Variants in SORCS3 observed in about 807,000 individuals in gnomAD.
The protein encoded by SORCS3 is VPS10 domain-containing receptor SorCS3.
A neutral mutation model predicts 146.3 loss-of-function variants in SORCS3; 57 were observed. The observed-to-expected ratio is 0.39, with a 90% CI of 0.31 to 0.49. The LOEUF (loss-of-function observed/expected upper bound fraction) is 0.49, where lower values mean the gene tolerates loss of function less well. Among genes scored for constraint, SORCS3 ranks in the 20% least tolerant of loss-of-function variants. SORCS3 has a pLI of 0.92. For synonymous variants in SORCS3, 653 were observed against 618.5 expected, an observed-to-expected ratio of 1.06 and a Z score of -0.83; for missense variants, 1,341 against 1,575.5, an observed-to-expected ratio of 0.85 and a Z score of 2.52.
At position 105,178,213 on chromosome 10, in the gene SORCS3, A is replaced by G. The variant is rs756276369; in HGVS notation, c.2009+40A>G. 6 of 1,489,500 alleles carry G rather than the reference A, an allele frequency of 4.0e-6. No homozygotes were observed. In the East Asian group the frequency reaches 9.2e-5, roughly 23 times the overall value. 92.3% of individuals were successfully genotyped at this position (1,489,500 alleles called of 1,614,324 possible). ...TGCTGTGACAGGAAGAAGACCAGAG[A>G]CACTGGTTCTACTTTCATTGAGGCC... is the stretch of plus-strand genomic sequence containing the variant. On this transcript the variant is annotated intron_variant, in intron 14 of 26. Transcript: ENST00000369701.
rs530932321 is a variant in SORCS3 at position 105,240,632 on chromosome 10, C to A, written c.2869-4910C>A. Among the ~76,000 whole-genome samples the A allele has an allele frequency of 4.9e-4, 75 of 152,104 alleles. 1 individual carries two copies. The highest frequency in any genetic ancestry group is 6.6e-4 in the Non-Finnish European group (45 of 68,020). On this transcript the variant is annotated intron_variant, in intron 20 of 26. Transcript: ENST00000369701. The stretch of plus-strand genomic sequence containing the variant: ...ATGATTCAGCTTGCAAATCATTAAC[C>A]GTAGTTGAATTTTTTTTATACTTTT...
chr10:105,192,904 T>C (rs2056524482), intron 14 of SORCS3, among the ~76,000 whole-genome samples: 1 of 152,192 alleles, frequency 6.6e-6, no homozygotes, highest in Non-Finnish European at 1.5e-5. Context: ...AACCCAGGGC[T>C]GCTCTCCTAT....
intron 19 of SORCS3, among the ~76,000 whole-genome samples, chr10:105,220,343 A>G (rs1181331346): frequency 6.6e-6 from 1 of 152,222 alleles, no homozygotes; most frequent in African/African-American, 2.4e-5. Context: ...TGTGAACGCC[A>G]CATCCTTTTT....
chr10:104,926,043 T>G (rs2019141054), intron 3 of SORCS3, among the ~76,000 whole-genome samples: 1 of 152,182 alleles, frequency 6.6e-6, no homozygotes, highest in Non-Finnish European at 1.5e-5. Context: ...GAAGCCAGGG[T>G]CCGGCTGCCT....
intron 1 of SORCS3, among the ~76,000 whole-genome samples, chr10:104,650,669 G>C (rs1462337130): frequency 1.3e-5 from 2 of 152,198 alleles, no homozygotes; most frequent in East Asian, 3.8e-4. Flanking sequence ...TAAGTCAATA[G>C]GTGCTTATTG....
intron 2 of SORCS3, among the ~76,000 whole-genome samples, chr10:104,911,778 G>C (rs1372738984): frequency 2.6e-5 from 4 of 151,914 alleles, no homozygotes; most frequent in Non-Finnish European, 5.9e-5. Context: ...TTTTTAACTA[G>C]GCTCCCCTGC....
At chr10:104,799,609 G>A (rs2017600587) in intron 1 of SORCS3, among the ~76,000 whole-genome samples, 1 of 152,096 alleles carries the variant, frequency 6.6e-6, no homozygotes, top group African/African-American at 2.4e-5. Context: ...TGGGTTGTTG[G>A]CTGCAACAAA....
intron 20 of SORCS3, among the ~76,000 whole-genome samples, chr10:105,242,870 TATATATAAATTATATATAATATATG>T: frequency 1.1e-5 from 1 of 89,150 alleles, no homozygotes; most frequent in Non-Finnish European, 2.1e-5. Context: ...TATATATTTT[TATATATAAATTATATATAATATATG>T]ATATATAAAT....
chr10:104,688,362 G>A (rs1237309633), intron 1 of SORCS3, among the ~76,000 whole-genome samples: 4 of 152,222 alleles, frequency 2.6e-5, no homozygotes, highest in Non-Finnish European at 5.9e-5. Flanking sequence ...GTGTGGGGGG[G>A]CAGTTGGAGG....
intron 18 of SORCS3, among the ~76,000 whole-genome samples, chr10:105,215,157 T>C (rs2864041): frequency 0.01 from 1,583 of 152,362 alleles, 9 homozygotes; most frequent in East Asian, 0.02. Flanking sequence ...TGCTGTATTC[T>C]TTCACTTTTT....
intron 1 of SORCS3, among the ~76,000 whole-genome samples, chr10:104,756,986 TG>T (rs2017060268): frequency 6.6e-6 from 1 of 151,758 alleles, no homozygotes; most frequent in Non-Finnish European, 1.5e-5. Context: ...TCTGTGTCCA[TG>T]TACAAGATCA....
intron 14 of SORCS3, among the ~76,000 whole-genome samples, chr10:105,196,012 A>G (rs2056541959): frequency 6.6e-6 from 1 of 151,376 alleles, no homozygotes; most frequent in Non-Finnish European, 1.5e-5. Flanking sequence ...AATGCACATG[A>G]AAGGAATGTA....
chr10:104,868,047 G>T (rs1324748076), intron 2 of SORCS3, among the ~76,000 whole-genome samples: 2 of 152,184 alleles, frequency 1.3e-5, no homozygotes, highest in Non-Finnish European at 2.9e-5. Flanking sequence ...CCTAGAAACA[G>T]GAGCCCCTAT....
chr10:105,012,482 CA>C (rs2055141339), intron 4 of SORCS3, among the ~76,000 whole-genome samples: 2 of 152,012 alleles, frequency 1.3e-5, no homozygotes, highest in South Asian at 4.2e-4. Context: ...AAGGTTCTGA[CA>C]AGAAAGTCTG....
intron 7 of SORCS3, among the ~76,000 whole-genome samples, chr10:105,129,058 T>G (rs1401461057): frequency 6.6e-6 from 1 of 152,104 alleles, no homozygotes; most frequent in Non-Finnish European, 1.5e-5. Flanking sequence ...CCTTCCACCT[T>G]TTCCCTTCTC....
At chr10:104,984,468 C>G (rs1387780430) in intron 4 of SORCS3, among the ~76,000 whole-genome samples, 1 of 152,004 alleles carries the variant, frequency 6.6e-6, no homozygotes, top group African/African-American at 2.4e-5. Context: ...TATCAGAAAA[C>G]ATACACATAT....
chr10:104,785,529 A>C (rs9420930), intron 1 of SORCS3, among the ~76,000 whole-genome samples: 111,114 of 142,392 alleles, frequency 0.78, 43,622 homozygotes, highest in East Asian at 0.94. Context: ...ACTATTGTCC[A>C]ATGACCCTGC....
chr10:104,837,038 A>G lies in SORCS3; in HGVS notation c.628-5754A>G, dbSNP rs181449224. Reference sequence around the variant, plus strand: ...TAATTGCTTCCTCTTCTCAAATCTTATAGCACATTTTCCATACCTCTCTCC... The same window carrying G: ...TAATTGCTTCCTCTTCTCAAATCTTGTAGCACATTTTCCATACCTCTCTCC... On this transcript the variant is annotated intron_variant, in intron 1 of 26. Coordinates refer to ENST00000369701, the MANE Select transcript of SORCS3 (RefSeq NM_014978.3). Among the ~76,000 whole-genome samples the G allele has an allele frequency of 2.4e-4, 36 of 152,280 alleles. No homozygotes were observed. The East Asian group carries it at 5.4e-3, about 23-fold the overall frequency.
chr10:104,991,925 G>A (rs1350913968), intron 4 of SORCS3, among the ~76,000 whole-genome samples: 1 of 152,190 alleles, frequency 6.6e-6, no homozygotes. Flanking sequence ...GGTACTGGGG[G>A]TTAGGACTTC....
Sources: allele counts gnomAD v4.1 joint callset (sites outside exome capture counted in the v4.1 genomes callset), GRCh38; gene constraint gnomAD v4.1.1; transcripts MANE v1.5; gene names NCBI Gene and HGNC (gene_info 2026-07-23, HGNC 2026-07-21).